MTF1: variants seen among roughly 807,000 people sequenced by gnomAD.
The protein encoded by MTF1 is MRE-binding transcription factor.
In MTF1, 22 loss-of-function variants were observed where a neutral mutation model predicts 70.4. The ratio of observed to expected loss-of-function variants is 0.31; its 90% confidence interval spans 0.22 to 0.45. The LOEUF (loss-of-function observed/expected upper bound fraction) is 0.45, where lower values mean the gene tolerates loss of function less well. MTF1 is among the 20% of genes least tolerant of loss of function. The pLI, the probability that MTF1 is intolerant of heterozygous loss-of-function variation, is 1.00. For missense variants in MTF1, 649 were observed against 922.0 expected, an observed-to-expected ratio of 0.70 and a Z score of 3.83; for synonymous variants, 333 against 352.8, an observed-to-expected ratio of 0.94 and a Z score of 0.63.
chr1:37,858,729 A>C (rs1258233338), intron 1 of MTF1, among the ~76,000 whole-genome samples: 1 of 152,228 alleles, frequency 6.6e-6, no homozygotes, highest in African/African-American at 2.4e-5. Context: ...TGACTGAAAG[A>C]CATGGCTACC....
Position 37,857,609 on chromosome 1 carries a change from T to G in MTF1, c.50A>C (p.Glu17Ala), listed in dbSNP as rs1362985692. The change falls in exon 2 of 11, where the codon GAA becomes GCA. Residue 17 changes from glutamate to alanine, a missense_variant. Transcript: ENST00000373036. ...DNNIIYFEAEEDELTPDDKML... is the reference protein window; with the variant it reads ...DNNIIYFEAEADELTPDDKML... ...TTTATCATCGGGGGTCAGCTCATCT[T>G]CCTCTGCCTCAAAGTAGATGATGTT... The G allele has an allele frequency of 1.2e-6, 2 of 1,614,114 alleles. No homozygotes were observed. The highest frequency in any genetic ancestry group is 1.1e-5 in the South Asian group (1 of 91,080).
At chr1:37,834,470 T>A (rs1160488789) in intron 6 of MTF1, among the ~76,000 whole-genome samples, 1 of 152,058 alleles carries the variant, frequency 6.6e-6, no homozygotes, top group African/African-American at 2.4e-5. Context: ...AAATAATTTT[T>A]AAAAATCTAT....
Position 37,815,369 on chromosome 1 carries a change from T to G in MTF1, c.2029A>C (p.Thr677Pro). 1 of 1,614,058 alleles carries G rather than the reference T, an allele frequency of 6.2e-7. No homozygotes were observed. Among genetic ancestry groups the G allele is most frequent in the Non-Finnish European group, 8.5e-7 (1 of 1,180,026 alleles). ...DGPSLQLPAQ[T>P]FSSAPVPGSS... ...CCGGGAACAGGGGCTGAAGAGAAAG[T>G]CTGCGCTGGGAGCTGCAGGCTGGGC... The change falls in exon 11 of 11, where the codon ACT becomes CCT. Residue 677 changes from threonine to proline, a missense_variant. Physicochemically the swap from Thr to Pro is conservative, Grantham distance 38. This residue lies in a region of MTF1 where 138 missense variants were observed against 134.4 expected (regional missense o/e 1.03). Transcript: ENST00000373036. The surrounding 1 kb of genome is among the most constrained non-coding windows in gnomAD (Gnocchi z 4.5).
At chr1:37,839,417 A>G (rs1641222945) in intron 3 of MTF1, among the ~76,000 whole-genome samples, 1 of 152,140 alleles carries the variant, frequency 6.6e-6, no homozygotes, top group Non-Finnish European at 1.5e-5. Flanking sequence ...GAGTATTTTT[A>G]AGTGTTAGCT....
In MTF1 at chr1:37,840,299, A is replaced by G; in HGVS notation, c.409-141T>C. ...ATAAACACAGAAAACAGCCTCTAGC[A>G]GCAAAGTGGAAAAACCTTATTGTTG... On this transcript the variant is annotated intron_variant, in intron 2 of 10. Transcript: ENST00000373036. The surrounding 1 kb of genome is among the most constrained non-coding windows in gnomAD (Gnocchi z 4.5). 2 of 698,148 alleles carry G rather than the reference A, an allele frequency of 2.9e-6. No homozygotes were observed. The highest frequency in any genetic ancestry group is 5.3e-5 in the East Asian group (2 of 37,838). 43.2% of individuals were successfully genotyped at this position (698,148 alleles called of 1,614,324 possible).
At chr1:37,846,114 C>G (rs144777053) in intron 2 of MTF1, among the ~76,000 whole-genome samples, 29 of 152,194 alleles carry the variant, frequency 1.9e-4, no homozygotes, top group Middle Eastern at 3.4e-3. Flanking sequence ...ATTCATACAT[C>G]CTAAAAATTA....
chr1:37,820,916 C>T (rs546683637), intron 9 of MTF1, among the ~76,000 whole-genome samples: 1 of 152,296 alleles, frequency 6.6e-6, no homozygotes, highest in South Asian at 2.1e-4. Flanking sequence ...TGATGGCTCA[C>T]GCCTATAGTC....
At chr1:37,824,705 A>C (rs1328975544) in intron 7 of MTF1, among the ~76,000 whole-genome samples, 1 of 152,172 alleles carries the variant, frequency 6.6e-6, no homozygotes, top group African/African-American at 2.4e-5. Context: ...AAACAACAAC[A>C]AAAAAATTAT....
At chr1:37,819,951 C>CAAAAAAAAAAAAAAAAAAAAAAAAAAAA (rs766621404) in intron 9 of MTF1, among the ~76,000 whole-genome samples, 1 of 82,684 alleles carries the variant, frequency 1.2e-5, no homozygotes, top group Non-Finnish European at 2.1e-5. Context: ...GACTCTGACT[C>CAAAAAAAAAAAAAAAAAAAAAAAAAAAA]AAAAAAAAAA....
intron 4 of MTF1, 130 bp downstream of exon 4, chr1:37,838,494 TG>T: frequency 3.0e-6 from 2 of 669,144 alleles, no homozygotes; most frequent in Non-Finnish European, 4.8e-6. Flanking sequence ...ATAGCTGTCC[TG>T]GGGTGAGCTA....
chr1:37,837,129 TGGCTCACTACAGCCTTGACCTCCCA>T (rs1434085329), intron 4 of MTF1, among the ~76,000 whole-genome samples: 1 of 152,148 alleles, frequency 6.6e-6, no homozygotes, highest in Non-Finnish European at 1.5e-5. Context: ...GGCATGACCA[TGGCTCACTACAGCCTTGACCTCCCA>T]GGCTCAAGCA....
At chr1:37,838,777 A>C in intron 3 of MTF1, 21 bp from the exon 4 acceptor site, 1 of 1,070,712 alleles carries the variant, frequency 9.3e-7, no homozygotes, top group Non-Finnish European at 1.3e-6. Flanking sequence ...TTCCAGAAAA[A>C]TTCCCTTTGT....
At chr1:37,834,421 T>TGGGGGGGGGGGGGGGGGGG (rs1641133186) in intron 6 of MTF1, among the ~76,000 whole-genome samples, 1 of 33,630 alleles carries the variant, frequency 3.0e-5, no homozygotes, top group African/African-American at 1.1e-4. Flanking sequence ...GCGGCGGGGG[T>TGGGGGGGGGGGGGGGGGGG]GGGGGAAGGG....
chr1:37,835,235 G>A lies in MTF1; in HGVS notation c.854-20C>T. 1 of 1,607,604 alleles carries A rather than the reference G, an allele frequency of 6.2e-7. No individual in the cohort carries two copies. The highest frequency in any genetic ancestry group is 8.5e-7 in the Non-Finnish European group (1 of 1,174,366). ...TTTCACCTGCAAGAATAACAAAGTA[G>A]TGTTAATTTACCATAAAGTCATTTC... On this transcript the variant is annotated intron_variant, in intron 5 of 10. Coordinates refer to ENST00000373036, the MANE Select transcript of MTF1 (RefSeq NM_005955.3).
chr1:37,838,797 CTTTTTTTTT>C, intron 3 of MTF1, 41 bp from the exon 4 acceptor site: 5 of 473,672 alleles, frequency 1.1e-5, no homozygotes, highest in Admixed American at 7.8e-5. Context: ...TCATAAAATT[CTTTTTTTTT>C]TTTTTTTTTT....
At chr1:37,817,544 TGAA>T in intron 9 of MTF1, 62 bp from the exon 10 acceptor site, 1 of 1,149,644 alleles carries the variant, frequency 8.7e-7, no homozygotes, top group Non-Finnish European at 1.3e-6. Flanking sequence ...CCCAGGGACC[TGAA>T]GCCTCACCAA....
intron 7 of MTF1, among the ~76,000 whole-genome samples, chr1:37,831,931 A>C (rs1002137609): frequency 6.6e-6 from 1 of 152,218 alleles, no homozygotes; most frequent in Non-Finnish European, 1.5e-5. Flanking sequence ...AAACTATACC[A>C]ACATTTTTAA....
Position 37,809,743 on chromosome 1 carries a change from C to A in MTF1, c.*5393G>T, listed in dbSNP as rs994667146. 1.3e-5 allele frequency: 2 copies of A among 152,614 alleles called. No homozygotes were observed. The highest frequency in any genetic ancestry group is 2.9e-5 in the Non-Finnish European group (2 of 68,082). 9.5% of individuals were successfully genotyped at this position (152,614 alleles called of 1,614,324 possible). A position where few individuals can be genotyped will look rare whatever the true frequency, so the allele number is the denominator to read the frequency against. ...TTCACATTCTTCAAAAATACAAATT[C>A]ATATTTATTCTTTTTTGGGTTTGGA... On this transcript the variant is annotated 3_prime_UTR_variant, in exon 11 of 11. Transcript: ENST00000373036.
At chr1:37,852,497 T>C (rs1641431094) in intron 2 of MTF1, among the ~76,000 whole-genome samples, 1 of 152,174 alleles carries the variant, frequency 6.6e-6, no homozygotes, top group Non-Finnish European at 1.5e-5. Context: ...TCTGTTAAAA[T>C]ATCTACCACA....
Sources: allele counts gnomAD v4.1 joint callset (sites outside exome capture counted in the v4.1 genomes callset), GRCh38; gene constraint gnomAD v4.1.1; regional missense constraint gnomAD v4.1.1; non-coding constraint Gnocchi (gnomAD v3.1); transcripts MANE v1.5; gene names NCBI Gene and HGNC (gene_info 2026-07-23, HGNC 2026-07-21).